Variants in SSBP3 observed in about 807,000 individuals in gnomAD.
SSBP3 encodes the protein single-stranded DNA-binding protein 3.
In SSBP3, 5 loss-of-function variants were observed where a neutral mutation model predicts 69.6. The observed-to-expected ratio is 0.07, with a 90% CI of 0.04 to 0.15. The LOEUF (loss-of-function observed/expected upper bound fraction) is 0.15. Among genes scored for constraint, SSBP3 ranks in the 10% least tolerant of loss-of-function variants. The probability of loss-of-function intolerance (pLI) is 1.00; values close to 1 mark genes in which losing one functional copy is unlikely to be tolerated. For missense variants in SSBP3, 312 were observed against 534.0 expected, an observed-to-expected ratio of 0.58 and a Z score of 4.10; for synonymous variants, 196 against 193.4, an observed-to-expected ratio of 1.01 and a Z score of -0.11.
chr1:54,329,793 TC>T (rs1296424663), intron 4 of SSBP3, among the ~76,000 whole-genome samples: 1 of 152,052 alleles, frequency 6.6e-6, no homozygotes, highest in African/African-American at 2.4e-5. Flanking sequence ...GCCGCTCCCC[TC>T]CCTGAGAAAT....
At chr1:54,285,100 G>T (rs1398386017) in intron 4 of SSBP3, among the ~76,000 whole-genome samples, 1 of 152,232 alleles carries the variant, frequency 6.6e-6, no homozygotes, top group Admixed American at 6.5e-5. Flanking sequence ...TTCTCAAGCA[G>T]CAAAACTAAG....
chr1:54,364,889 T>C (rs1647005105), intron 4 of SSBP3, among the ~76,000 whole-genome samples: 1 of 152,228 alleles, frequency 6.6e-6, no homozygotes, highest in Admixed American at 6.5e-5. Context: ...TGCCCGTGAA[T>C]AGTCCAAACT....
At chr1:54,251,587 A>AGACG (rs1557461732) in intron 9 of SSBP3, 29 bp downstream of exon 9, 2 of 1,549,682 alleles carry the variant, frequency 1.3e-6, no homozygotes, top group African/African-American at 2.7e-5. Context: ...ATGGCCAGGG[A>AGACG]GACGGACGGA....
At chr1:54,228,908 T>C in intron 14 of SSBP3, 82 bp from the exon 15 acceptor site, 2 of 1,434,918 alleles carry the variant, frequency 1.4e-6, no homozygotes, top group Non-Finnish European at 1.9e-6. Flanking sequence ...GCAGCCACGC[T>C]TGAGTCCTGG....
intron 4 of SSBP3, among the ~76,000 whole-genome samples, chr1:54,397,441 G>A (rs1279436088): frequency 1.3e-5 from 2 of 152,156 alleles, no homozygotes; most frequent in East Asian, 1.9e-4. Flanking sequence ...GCCTGCCCAC[G>A]CCCATGACTC....
At chr1:54,364,626 G>T (rs554195466) in intron 4 of SSBP3, among the ~76,000 whole-genome samples, 1 of 152,320 alleles carries the variant, frequency 6.6e-6, no homozygotes, top group South Asian at 2.1e-4. Context: ...GAAAAATGGG[G>T]AGGGGAAGAA....
chr1:54,239,039 A>G (rs962820298), intron 14 of SSBP3, 90 bp downstream of exon 14: 1 of 1,147,714 alleles, frequency 8.7e-7, no homozygotes, highest in Non-Finnish European at 1.3e-6. Flanking sequence ...AATGGCTGAA[A>G]TCAATTAAAC....
At chr1:54,406,950 G>C (rs576825045), upstream of SSBP3, among the ~76,000 whole-genome samples, 12 of 149,986 alleles carry the variant, frequency 8.0e-5, no homozygotes, top group Admixed American at 2.0e-4. Flanking sequence ...ACTCCAGCCC[G>C]GCCCCCAGCC....
At chr1:54,412,969 C>G (rs747328117) in intron 1 of SSBP3, 3 of 152,216 alleles carry the variant, frequency 2.0e-5, no homozygotes, top group Middle Eastern at 3.2e-3. Flanking sequence ...CCACCTCAGC[C>G]TCCCAAAGTG....
intron 4 of SSBP3, among the ~76,000 whole-genome samples, chr1:54,332,930 G>A (rs1013010356): frequency 6.6e-5 from 10 of 152,116 alleles, no homozygotes; most frequent in African/African-American, 1.7e-4. Flanking sequence ...ACACACACGC[G>A]CGAGCACACA....
intron 14 of SSBP3, among the ~76,000 whole-genome samples, chr1:54,236,249 G>A (rs1350216543): frequency 6.6e-6 from 1 of 152,074 alleles, no homozygotes; most frequent in Non-Finnish European, 1.5e-5. Context: ...CCGAGTGGCT[G>A]GGACTACAGA....
At chr1:54,406,051 C>CCGCCGA (rs1227924293) in exon 1 of SSBP3, 1 of 1,425,278 alleles carries the variant, frequency 7.0e-7, no homozygotes, top group Non-Finnish European at 9.3e-7. Context: ...GCCGCCGCCG[C>CCGCCGA]CGCCGCCGCT....
chr1:54,376,413 G>A (rs1307781304), intron 4 of SSBP3, among the ~76,000 whole-genome samples: 1 of 152,214 alleles, frequency 6.6e-6, no homozygotes, highest in Admixed American at 6.5e-5. Flanking sequence ...GTCAAGGAAT[G>A]GTGCTCCCAA....
chr1:54,302,513 T>C (rs560069504), intron 4 of SSBP3, among the ~76,000 whole-genome samples: 5 of 152,148 alleles, frequency 3.3e-5, no homozygotes. Context: ...GGTTTCATCA[T>C]GTTGGCCAGG....
intron 17 of SSBP3, among the ~76,000 whole-genome samples, 182 bp downstream of exon 17, chr1:54,228,073 G>A (rs1412699747): frequency 1.3e-5 from 2 of 152,220 alleles, no homozygotes; most frequent in African/African-American, 4.8e-5. Context: ...CCCACCAGCA[G>A]GCAGTCTCAG....
intron 5 of SSBP3, among the ~76,000 whole-genome samples, chr1:54,275,942 C>T (rs1297612707): frequency 6.6e-6 from 1 of 152,182 alleles, no homozygotes; most frequent in Admixed American, 6.5e-5. Context: ...TTTCTCTCCC[C>T]TCTTATTGTC....
At chr1:54,316,513 C>T (rs1220041780) in intron 4 of SSBP3, among the ~76,000 whole-genome samples, 13 of 143,400 alleles carry the variant, frequency 9.1e-5, no homozygotes, top group South Asian at 2.3e-4. Context: ...CGGTGGCGGG[C>T]GCCTGTAGTC....
At chr1:54,253,997 G>A (rs1202188502) in intron 7 of SSBP3, among the ~76,000 whole-genome samples, 1 of 152,252 alleles carries the variant, frequency 6.6e-6, no homozygotes, top group African/African-American at 2.4e-5. Flanking sequence ...AGGTGACCCT[G>A]AGACAGGGAC....
chr1:54,326,457 C>G (rs1206343685), intron 4 of SSBP3: 1 of 152,276 alleles, frequency 6.6e-6, no homozygotes, highest in African/African-American at 2.4e-5. Context: ...CTCCTCTGTG[C>G]AGAAAGGTCC....
Sources: gnomAD v4.1 joint callset for allele counts (sites outside exome capture counted in the v4.1 genomes callset) on GRCh38, gnomAD v4.1.1 for gene constraint, MANE v1.5 for transcripts, NCBI Gene and HGNC (gene_info 2026-07-23, HGNC 2026-07-21) for gene names.